NR6A1: variants seen among roughly 807,000 people sequenced by gnomAD.
NR6A1 encodes retinoic acid receptor-related testis-associated receptor.
In NR6A1, 7 loss-of-function variants were observed where a neutral mutation model predicts 59.1. The ratio of observed to expected loss-of-function variants is 0.12; its 90% CI spans 0.07 to 0.22. The LOEUF (loss-of-function observed/expected upper bound fraction) is 0.22, where lower values mean the gene tolerates loss of function less well. Ranked by LOEUF, NR6A1 falls within the 10% of genes least tolerant of loss-of-function variation. The pLI, the probability that NR6A1 is intolerant of heterozygous loss-of-function variation, is 1.00. For synonymous variants in NR6A1, 243 were observed against 236.1 expected, an observed-to-expected ratio of 1.03 and a Z score of -0.27; for missense variants, 468 against 611.6, an observed-to-expected ratio of 0.77 and a Z score of 2.48.
chr9:124,601,798 T>C (rs73581851), intron 2 of NR6A1, among the ~76,000 whole-genome samples: 2,752 of 147,496 alleles, frequency 0.019, 76 homozygotes, highest in African/African-American at 0.064. Flanking sequence ...CCCGTCTCTA[T>C]AAAAAAAAAA....
intron 2 of NR6A1, among the ~76,000 whole-genome samples, chr9:124,615,661 G>A (rs1385853840): frequency 1.3e-5 from 2 of 151,244 alleles, no homozygotes; most frequent in Admixed American, 6.6e-5. Context: ...AACTTGGTAA[G>A]CAGACACTGA....
intron 2 of NR6A1, among the ~76,000 whole-genome samples, chr9:124,732,558 A>C (rs1355190235): frequency 6.6e-6 from 1 of 152,250 alleles, no homozygotes; most frequent in Non-Finnish European, 1.5e-5. Flanking sequence ...AATGAAAATT[A>C]AACTGTACTA....
chr9:124,716,130 AG>A (rs1275131691), intron 2 of NR6A1, among the ~76,000 whole-genome samples: 1 of 152,126 alleles, frequency 6.6e-6, no homozygotes, highest in Non-Finnish European at 1.5e-5. Flanking sequence ...CTTGGGCCCC[AG>A]GAAGAGGAGG....
intron 2 of NR6A1, among the ~76,000 whole-genome samples, chr9:124,661,399 GT>G (rs1265202514): frequency 6.6e-6 from 1 of 152,160 alleles, no homozygotes; most frequent in African/African-American, 2.4e-5. Context: ...GGCCAGACTG[GT>G]GTCCATTTCA....
At position 124,688,912 on chromosome 9, in the gene NR6A1, T is replaced by A. The variant is rs554531347; in HGVS notation, c.142+44396A>T. ...AGAGTTTTAAATAATGTTATCTAAT[T>A]TAATCCTCACAATCAATGAAGAAGG... On this transcript the variant is annotated intron_variant, in intron 2 of 9. Transcript: ENST00000487099. Among the ~76,000 whole-genome samples, 175 of 152,324 alleles carry A rather than the reference T, an allele frequency of 1.1e-3. 1 individual carries two copies. The highest frequency in any genetic ancestry group is 3.8e-3 in the African/African-American group (159 of 41,572).
At chr9:124,529,711 C>T (rs1002484037) in intron 7 of NR6A1, among the ~76,000 whole-genome samples, 3 of 152,180 alleles carry the variant, frequency 2.0e-5, no homozygotes, top group African/African-American at 7.2e-5. Context: ...GAGCAGGGCC[C>T]AACCTTGGGA....
chr9:124,574,512 T>C (rs780297817), intron 2 of NR6A1, among the ~76,000 whole-genome samples: 30 of 152,230 alleles, frequency 2.0e-4, no homozygotes, highest in Non-Finnish European at 3.8e-4. Flanking sequence ...TACTTCCTTA[T>C]TTGATGCTAA....
At chr9:124,532,717 A>G (rs1252345342) in intron 7 of NR6A1, among the ~76,000 whole-genome samples, 2 of 152,346 alleles carry the variant, frequency 1.3e-5, no homozygotes, top group East Asian at 1.9e-4. Context: ...CACATGTTCT[A>G]AAGACAGCAA....
At chr9:124,650,810 T>C (rs1417331486) in intron 2 of NR6A1, among the ~76,000 whole-genome samples, 1 of 152,158 alleles carries the variant, frequency 6.6e-6, no homozygotes, top group Non-Finnish European at 1.5e-5. Flanking sequence ...TAGTAAACAC[T>C]TAAGGAAGAA....
At position 124,617,480 on chromosome 9, in the gene NR6A1, C is replaced by T. The variant is rs147094862; in HGVS notation, c.143-62910G>A. Among the ~76,000 whole-genome samples the T allele has an allele frequency of 7.6e-4, 116 of 152,284 alleles. No homozygotes were observed. In the East Asian group the frequency reaches 0.018, roughly 24 times the overall value. On this transcript the variant is annotated intron_variant, in intron 2 of 9. Transcript: ENST00000487099. ...TATTATTTGGCCACTACAAATAATG[C>T]TACAGGGAAAGTTTCTGTACTTGTA...
At chr9:124,582,874 C>T (rs1057070574) in intron 2 of NR6A1, among the ~76,000 whole-genome samples, 1 of 152,016 alleles carries the variant, frequency 6.6e-6, no homozygotes, top group Non-Finnish European at 1.5e-5. Context: ...CCCCATCTCT[C>T]TAAAGAAAAA....
chr9:124,759,666 C>T (rs906456675), intron 1 of NR6A1, among the ~76,000 whole-genome samples: 2 of 152,190 alleles, frequency 1.3e-5, no homozygotes, highest in Non-Finnish European at 2.9e-5. Context: ...ACTCAAAACG[C>T]CTTCATTCCT....
chr9:124,693,454 A>G (rs1439934806), intron 2 of NR6A1, among the ~76,000 whole-genome samples: 1 of 152,228 alleles, frequency 6.6e-6, no homozygotes, highest in African/African-American at 2.4e-5. Flanking sequence ...CTAATATGCA[A>G]GCACTGCCTG....
At chr9:124,733,458 T>C in intron 1 of NR6A1, 109 bp from the exon 2 acceptor site, 1 of 838,344 alleles carries the variant, frequency 1.2e-6, no homozygotes, top group Non-Finnish European at 2.0e-6. Context: ...CAGAAGTCAA[T>C]TTGGGTTTCA....
rs371972590 is a variant in NR6A1, at chr9:124,730,716, AAAG to A, written c.142+2589_142+2591del. The stretch of plus-strand genomic sequence containing the variant: ...AATGAGCTGGTATTACTTAACCCAG[AAAG>A]AAGAATTCAACAATAATTTTTCTGA... On this transcript the variant is annotated intron_variant, in intron 2 of 9. Coordinates refer to ENST00000487099, the MANE Select transcript of NR6A1 (RefSeq NM_033334.4). Among the ~76,000 whole-genome samples, 1,188 of 152,268 alleles carry A rather than the reference AAAG, an allele frequency of 7.8e-3. 7 individuals carry two copies. The highest frequency in any genetic ancestry group is 0.012 in the Non-Finnish European group (838 of 68,030).
intron 1 of NR6A1, among the ~76,000 whole-genome samples, chr9:124,739,945 A>G (rs987118983): frequency 2.0e-5 from 3 of 152,204 alleles, no homozygotes; most frequent in Non-Finnish European, 2.9e-5. Flanking sequence ...TTGAAGCCTC[A>G]ATAACCCATA....
chr9:124,600,532 A>AGTG (rs1193556474), intron 2 of NR6A1, among the ~76,000 whole-genome samples: 1 of 152,214 alleles, frequency 6.6e-6, no homozygotes, highest in African/African-American at 2.4e-5. Flanking sequence ...ACACTCATGG[A>AGTG]GTGTCTCCTA....
chr9:124,593,366 C>T (rs1475613294), intron 2 of NR6A1, among the ~76,000 whole-genome samples: 1 of 151,764 alleles, frequency 6.6e-6, no homozygotes, highest in Non-Finnish European at 1.5e-5. Flanking sequence ...ATGATGCCTC[C>T]AAAACCAACA....
At position 124,627,896 on chromosome 9, in the gene NR6A1, T is replaced by C. The variant is rs866204758; in HGVS notation, c.143-73326A>G. 6.0e-3 allele frequency among the ~76,000 whole-genome samples: 901 copies of C among 149,160 alleles called. 16 individuals carry two copies. Among genetic ancestry groups the C allele is most frequent in the African/African-American group, 0.02 (822 of 40,710 alleles). On this transcript the variant is annotated intron_variant, in intron 2 of 9. Coordinates refer to ENST00000487099, the MANE Select transcript of NR6A1 (RefSeq NM_033334.4). ...TCTGAGATTTTCTTTTTTTTTTTTT[T>C]TTTTTTTTTTTTTTCAAAACAAAGC...
Sources: gnomAD v4.1 joint callset for allele counts (sites outside exome capture counted in the v4.1 genomes callset) on GRCh38, gnomAD v4.1.1 for gene constraint, MANE v1.5 for transcripts, NCBI Gene and HGNC (gene_info 2026-07-23, HGNC 2026-07-21) for gene names.